Variants in HOMER2 observed in about 807,000 individuals in gnomAD.
HOMER2 encodes homer protein homolog 2.
In HOMER2, 27 loss-of-function variants were observed where a neutral mutation model predicts 47.0. The ratio of observed to expected loss-of-function variants is 0.57; its 90% CI spans 0.42 to 0.79. The LOEUF is 0.79. Among genes scored for constraint, HOMER2 ranks in the 30% least tolerant of loss-of-function variants. The probability of loss-of-function intolerance (pLI) is 0.00; values close to 1 mark genes in which losing one functional copy is unlikely to be tolerated. For missense variants in HOMER2, 443 were observed against 435.0 expected (o/e 1.02, Z -0.16); for synonymous variants, 161 against 163.8 (o/e 0.98, Z 0.13).
chr15:82,896,365 G>T (rs922669244), intron 1 of HOMER2, among the ~76,000 whole-genome samples: 1 of 152,218 alleles, frequency 6.6e-6, no homozygotes, highest in African/African-American at 2.4e-5. Context: ...CCGGCTGTCT[G>T]CTCGGCATGA....
At chr15:82,838,566 T>A (rs1169411438) in exon 2 of HOMER2, 1 of 152,342 alleles carries the variant, frequency 6.6e-6, no homozygotes, top group Non-Finnish European at 1.5e-5. Context: ...TACAGCTTCA[T>A]GGAGATTCCT....
At chr15:82,914,307 G>A (rs1388738485) in intron 1 of HOMER2, among the ~76,000 whole-genome samples, 2 of 150,690 alleles carry the variant, frequency 1.3e-5, no homozygotes, top group Non-Finnish European at 3.0e-5. Context: ...GAACCCGGGA[G>A]GCAGAGCTTG....
At chr15:82,859,314 T>TTTAAAC in intron 4 of HOMER2, 179 bp from the exon 5 acceptor site, 21 of 820,958 alleles carry the variant, frequency 2.6e-5, no homozygotes, top group Non-Finnish European at 2.7e-5. Flanking sequence ...GTTTTTTTTT[T>TTTAAAC]AAACAAACAA....
chr15:82,867,517 C>T (rs2052014188), intron 3 of HOMER2, among the ~76,000 whole-genome samples: 1 of 151,866 alleles, frequency 6.6e-6, no homozygotes, highest in African/African-American at 2.4e-5. Context: ...AAATAAATGG[C>T]AAAATTCAGG....
rs1458117049 is a variant in HOMER2, at chr15:82,859,895, T to A, written c.388-760A>T. Among the ~76,000 whole-genome samples the A allele has an allele frequency of 2.0e-5, 3 of 150,958 alleles. No individual in the cohort carries two copies. In the East Asian group the frequency reaches 5.9e-4, roughly 30 times the overall value. Reference sequence around the variant, plus strand: ...AAAAACACCATAAACAAAATTAAAATGAGACAAAAACCCGGGGGGTGGGGA... The same window carrying A: ...AAAAACACCATAAACAAAATTAAAAAGAGACAAAAACCCGGGGGGTGGGGA... On this transcript the variant is annotated intron_variant, in intron 4 of 8. Transcript: ENST00000450735.
At chr15:82,846,426 T>C (rs1291287503), downstream of HOMER2, 1 of 152,238 alleles carries the variant, frequency 6.6e-6, no homozygotes, top group Non-Finnish European at 1.5e-5. Flanking sequence ...AACTGTCCTT[T>C]GCTGTGGACA....
At chr15:82,908,275 T>C (rs866817374) in intron 1 of HOMER2, among the ~76,000 whole-genome samples, 12 of 152,314 alleles carry the variant, frequency 7.9e-5, no homozygotes, top group African/African-American at 2.4e-4. Flanking sequence ...ATTATGTGAA[T>C]TGTATATTAT....
At chr15:82,981,928 G>C (rs2030410094) in intron 1 of HOMER2, among the ~76,000 whole-genome samples, 1 of 152,298 alleles carries the variant, frequency 6.6e-6, no homozygotes, top group Non-Finnish European at 1.5e-5. Context: ...GGATGGCGGT[G>C]ATAGTTGCAC....
At chr15:82,948,315 C>T (rs183571764) in intron 1 of HOMER2, among the ~76,000 whole-genome samples, 72 of 149,086 alleles carry the variant, frequency 4.8e-4, no homozygotes, top group Admixed American at 8.2e-4. Context: ...GGCGTGAACC[C>T]GGGAGGCGGA....
intron 5 of HOMER2, among the ~76,000 whole-genome samples, chr15:82,855,893 G>T (rs1030456471): frequency 6.6e-6 from 1 of 152,190 alleles, no homozygotes; most frequent in African/African-American, 2.4e-5. Context: ...TCCTTGCTAG[G>T]AGCCCACACA....
At chr15:82,963,529 A>C (rs530868262) in intron 1 of HOMER2, among the ~76,000 whole-genome samples, 1 of 152,218 alleles carries the variant, frequency 6.6e-6, no homozygotes, top group Non-Finnish European at 1.5e-5. Context: ...AACTAGAAAG[A>C]ACAGTGTTTC....
chr15:82,867,312 C>T (rs1471608963), intron 3 of HOMER2, among the ~76,000 whole-genome samples: 1 of 150,788 alleles, frequency 6.6e-6, no homozygotes, highest in Non-Finnish European at 1.5e-5. Flanking sequence ...TTCTTAAAAC[C>T]CACAAAAGTG....
intron 1 of HOMER2, among the ~76,000 whole-genome samples, chr15:82,947,074 G>A (rs529159892): frequency 1.3e-5 from 2 of 152,328 alleles, no homozygotes; most frequent in South Asian, 4.1e-4. Flanking sequence ...TAGTGGGTCT[G>A]CTCATCTCTG....
chr15:82,854,649 T>A lies in HOMER2; in HGVS notation c.646A>T (p.Asn216Tyr). The part of the protein sequence containing the change: ...ICRDENDRLR[N>Y]KIDELEEQCS... The stretch of plus-strand genomic sequence containing the variant: ...ACTGCATCCACCGTACCCACCTTGT[T>A]GCGGAGCCGGTCATTCTCATCACGG... Residue 216 changes from asparagine to tyrosine, a missense_variant, in exon 6 of 9, where the codon AAC becomes TAC. Transcript: ENST00000450735. The A allele has an allele frequency of 6.2e-7, 1 of 1,612,066 alleles. No individual in the cohort carries two copies. Among genetic ancestry groups the A allele is most frequent in the Non-Finnish European group, 8.5e-7 (1 of 1,179,364 alleles).
chr15:82,846,947 T>C (rs1369658791), downstream of HOMER2: 4 of 152,216 alleles, frequency 2.6e-5, no homozygotes, highest in Admixed American at 2.6e-4. Context: ...TTCCAAGTTT[T>C]AGTTGATCTT....
chr15:82,892,802 C>G lies in HOMER2; in HGVS notation c.45G>C (p.Gln15His), dbSNP rs752360337. 2.5e-6 allele frequency: 4 copies of G among 1,604,588 alleles called. No homozygotes were observed. The highest frequency in any genetic ancestry group is 1.7e-6 in the Non-Finnish European group (2 of 1,173,432). The change falls in exon 2 of 9, where the codon CAG becomes CAC. Residue 15 changes from glutamine (Q) to histidine (H), a missense_variant. Transcript: ENST00000450735. The part of the protein sequence containing the change: ...PIFTTRAHVF[Q>H]IDPNTKKNWM... ...AGTTCTTCTTGGTGTTGGGGTCAAT[C>G]TGGAAGACATGCGCTCGGGTGGTGA...
chr15:82,895,772 G>A (rs1400340016), intron 1 of HOMER2, among the ~76,000 whole-genome samples: 3 of 152,008 alleles, frequency 2.0e-5, no homozygotes, highest in East Asian at 1.9e-4. Flanking sequence ...ATGCTTAGAC[G>A]GGTGTTCCCT....
Position 82,952,695 on chromosome 15 carries a change from C to T in HOMER2, c.-160G>A, listed in dbSNP as rs2054535497. On this transcript the variant is annotated 5_prime_UTR_variant, in exon 1 of 9. Coordinates refer to ENST00000450735, the MANE Select transcript of HOMER2 (RefSeq NM_004839.4). The stretch of plus-strand genomic sequence containing the variant: ...CGGGGCTGCGCGGCTGCCACTGCTG[C>T]CACTGCCGCCACCGCCGCCAGGCGC... The T allele has an allele frequency of 2.0e-6, 2 of 985,654 alleles. No homozygotes were observed. The highest frequency in any genetic ancestry group is 1.2e-6 in the Non-Finnish European group (1 of 831,408). The allele number at this position is 985,654 out of a possible 1,614,324, so 61.1% of individuals were successfully genotyped here.
intron 1 of HOMER2, among the ~76,000 whole-genome samples, chr15:82,964,187 G>GA (rs1461433855): frequency 6.6e-6 from 1 of 152,216 alleles, no homozygotes; most frequent in Non-Finnish European, 1.5e-5. Flanking sequence ...TGTCAGAGCT[G>GA]AAATTTAACC....
Sources: allele counts gnomAD v4.1 joint callset (sites outside exome capture counted in the v4.1 genomes callset), GRCh38; gene constraint gnomAD v4.1.1; transcripts MANE v1.5; gene names NCBI Gene and HGNC (gene_info 2026-07-23, HGNC 2026-07-21).